FGF14: variants seen among roughly 807,000 people sequenced by gnomAD.
FGF14 encodes the protein fibroblast growth factor 14, also known as fibroblast growth factor homologous factor 4.
A neutral mutation model predicts 25.5 loss-of-function variants in FGF14; 5 were observed. The observed-to-expected ratio is 0.20, with a 90% CI of 0.10 to 0.41. FGF14 has a LOEUF of 0.41. Among genes scored for constraint, FGF14 ranks in the 10% least tolerant of loss-of-function variants. The pLI is 1.00. For missense variants in FGF14, 222 were observed against 320.1 expected (o/e 0.69, Z 2.34); for synonymous variants, 138 against 118.3 (o/e 1.17, Z -1.08).
chr13:101,773,771 G>T (rs752970758), intron 3 of FGF14, among the ~76,000 whole-genome samples: 2 of 150,644 alleles, frequency 1.3e-5, no homozygotes, highest in Non-Finnish European at 3.0e-5. Context: ...CTGTTAATTT[G>T]GTTTAGAGAC....
In FGF14 at chr13:101,875,291, G is replaced by C. The variant is rs1338004281; in HGVS notation, c.199C>G (p.Gln67Glu). ...AACCTGGTCACTATACCCTTGAGCT[G>C]GGGATCTGAAAGGCAAACATAGTTA... ...KKRRLRRQDP[Q>E]LKGIVTRLYC... The change falls in exon 2 of 5, where the codon CAG becomes GAG. Residue 67 changes from glutamine (Q) to glutamate (E), a missense_variant. By Grantham distance (29) the Gln-to-Glu change is conservative. Transcript: ENST00000376143. 3 of 1,610,646 alleles carry C rather than the reference G, an allele frequency of 1.9e-6. No individual in the cohort carries two copies. In the African/African-American group the frequency reaches 4.0e-5, roughly 22 times the overall value.
chr13:101,960,975 G>A (rs925115572), intron 1 of FGF14, among the ~76,000 whole-genome samples: 1 of 152,012 alleles, frequency 6.6e-6, no homozygotes. Flanking sequence ...AGGTTTGTTG[G>A]CAGGATAAAT....
intron 1 of FGF14, among the ~76,000 whole-genome samples, chr13:102,321,621 T>C (rs986700600): frequency 6.6e-6 from 1 of 152,160 alleles, no homozygotes; most frequent in African/African-American, 2.4e-5. Flanking sequence ...GGTAACTGAA[T>C]AGGGACCTAC....
At chr13:101,931,242 G>A (rs1594759514) in intron 1 of FGF14, among the ~76,000 whole-genome samples, 1 of 152,162 alleles carries the variant, frequency 6.6e-6, no homozygotes, top group South Asian at 2.1e-4. Context: ...GAATGCAAAG[G>A]CGCCCTTCCC....
intron 1 of FGF14, among the ~76,000 whole-genome samples, chr13:101,912,710 C>A (rs1218146346): frequency 1.3e-5 from 2 of 151,794 alleles, no homozygotes; most frequent in African/African-American, 2.4e-5. Flanking sequence ...CCCTCTAATT[C>A]TCTTAAAAAA....
At chr13:101,878,375 T>A (rs1594581197) in intron 1 of FGF14, among the ~76,000 whole-genome samples, 1 of 152,182 alleles carries the variant, frequency 6.6e-6, no homozygotes, top group Non-Finnish European at 1.5e-5. Flanking sequence ...TTCCTGAAAC[T>A]TCAGATGACA....
At chr13:101,909,627 C>T (rs535183059) in intron 1 of FGF14, among the ~76,000 whole-genome samples, 29 of 152,294 alleles carry the variant, frequency 1.9e-4, no homozygotes, top group Admixed American at 1.8e-3. Context: ...AATAGGAACA[C>T]TTTTACACTG....
At chr13:101,872,152 G>A (rs928387758) in intron 2 of FGF14, among the ~76,000 whole-genome samples, 4 of 151,532 alleles carry the variant, frequency 2.6e-5, no homozygotes, top group African/African-American at 7.3e-5. Flanking sequence ...TTGTTATTTA[G>A]TGACTTTAAC....
intron 1 of FGF14, among the ~76,000 whole-genome samples, chr13:102,362,177 G>C (rs1279731714): frequency 6.6e-6 from 1 of 152,116 alleles, no homozygotes; most frequent in Non-Finnish European, 1.5e-5. Flanking sequence ...ATTATGGCCT[G>C]GGTTTAACCG....
chr13:101,949,604 T>C (rs937770093), intron 1 of FGF14, among the ~76,000 whole-genome samples: 12 of 152,168 alleles, frequency 7.9e-5, no homozygotes, highest in African/African-American at 2.9e-4. Context: ...TACTGTACTA[T>C]GGGGATTTAA....
chr13:102,026,977 A>C (rs974927271), intron 1 of FGF14, among the ~76,000 whole-genome samples: 3 of 152,020 alleles, frequency 2.0e-5, no homozygotes, highest in Non-Finnish European at 4.4e-5. Context: ...CTTTCTACCC[A>C]TTGTAGTAAA....
chr13:102,108,747 A>G (rs1179862273), intron 1 of FGF14, among the ~76,000 whole-genome samples: 1 of 152,198 alleles, frequency 6.6e-6, no homozygotes, highest in African/African-American at 2.4e-5. Context: ...GGCTAATTTA[A>G]TTTTACTATA....
At chr13:102,163,836 C>CA (rs1228006277) in intron 1 of FGF14, among the ~76,000 whole-genome samples, 1 of 152,018 alleles carries the variant, frequency 6.6e-6, no homozygotes, top group African/African-American at 2.4e-5. Flanking sequence ...AGACTTGCCC[C>CA]CCCCAGAAAA....
intron 3 of FGF14, among the ~76,000 whole-genome samples, chr13:101,850,069 G>A (rs902268346): frequency 3.3e-5 from 5 of 151,768 alleles, no homozygotes; most frequent in Non-Finnish European, 7.4e-5. Context: ...AGGAAGAAGA[G>A]GAAGGGTCAA....
intron 1 of FGF14, among the ~76,000 whole-genome samples, chr13:102,354,728 C>A (rs190182099): frequency 1.3e-5 from 2 of 152,120 alleles, no homozygotes; most frequent in Non-Finnish European, 2.9e-5. Context: ...TTGATTGAGT[C>A]CTATCTCAGA....
At position 102,076,851 on chromosome 13, in the gene FGF14, A is replaced by G. The variant is rs554847331; in HGVS notation, c.209-201555T>C. ...GAGCAAAAGGAACAAAGCTGGAGCC[A>G]TCACATTACCTGACTTCAAAGCATA... On this transcript the variant is annotated intron_variant, in intron 1 of 4. Coordinates refer to the FGF14 transcript ENST00000376131. 3.3e-5 allele frequency among the ~76,000 whole-genome samples: 5 copies of G among 152,324 alleles called. No individual in the cohort carries two copies. In the South Asian group the frequency reaches 8.3e-4, roughly 25 times the overall value.
At chr13:102,142,935 CTCTACTAAAA>C in intron 1 of FGF14, among the ~76,000 whole-genome samples, 1 of 151,952 alleles carries the variant, frequency 6.6e-6, no homozygotes, top group East Asian at 1.9e-4. Context: ...TTAAAAAATG[CTCTACTAAAA>C]TCTACACACC....
intron 3 of FGF14, among the ~76,000 whole-genome samples, chr13:101,810,686 T>C (rs1257900948): frequency 6.6e-6 from 1 of 152,192 alleles, no homozygotes; most frequent in Non-Finnish European, 1.5e-5. Flanking sequence ...ATTTTTGACA[T>C]CAATAACCAA....
upstream of FGF14, among the ~76,000 whole-genome samples, chr13:101,921,926 T>C (rs889059190): frequency 6.6e-6 from 1 of 152,254 alleles, no homozygotes; most frequent in Non-Finnish European, 1.5e-5. Context: ...CCCTGCTTTA[T>C]GGTTCTACAT....
Sources: allele counts gnomAD v4.1 joint callset (sites outside exome capture counted in the v4.1 genomes callset), GRCh38; gene constraint gnomAD v4.1.1; transcripts MANE v1.5; gene names NCBI Gene and HGNC (gene_info 2026-07-23, HGNC 2026-07-21).